Variants in MSI2 observed in about 807,000 individuals in gnomAD.
MSI2 encodes musashi RNA binding protein 2.
In MSI2, 17 loss-of-function variants were observed where a neutral mutation model predicts 45.6. The observed-to-expected ratio is 0.37, with a 90% CI of 0.26 to 0.56. The LOEUF is 0.56. Ranked by LOEUF, MSI2 falls within the 20% of genes least tolerant of loss-of-function variation. The pLI, the probability that MSI2 is intolerant of heterozygous loss-of-function variation, is 0.77. For synonymous variants in MSI2, 156 were observed against 158.2 expected (o/e 0.99, Z 0.11); for missense variants, 293 against 444.2 (o/e 0.66, Z 3.06).
At chr17:57,470,750 G>C (rs1384501607) in intron 6 of MSI2, among the ~76,000 whole-genome samples, 1 of 152,240 alleles carries the variant, frequency 6.6e-6, no homozygotes. Flanking sequence ...CCTGCGGGTG[G>C]AAGGTGGTAA....
rs575165991 is a variant in MSI2, at chr17:57,304,605, T to C, written c.312+42413T>C. 2.0e-5 allele frequency among the ~76,000 whole-genome samples: 3 copies of C among 151,734 alleles called. No individual in the cohort carries two copies. The South Asian group carries it at 6.3e-4, about 32-fold the overall frequency. On this transcript the variant is annotated intron_variant, in intron 5 of 13. Transcript: ENST00000284073. ...GCCCAGCTAATTTTTGTATTTTGAA[T>C]AGAGACAGGGTTTCACTATGTTGGG...
chr17:57,298,882 A>C (rs1598089568), intron 5 of MSI2, among the ~76,000 whole-genome samples: 1 of 152,224 alleles, frequency 6.6e-6, no homozygotes, highest in South Asian at 2.1e-4. Context: ...TCTAGCTATC[A>C]AAGTCCTAGA....
intron 6 of MSI2, among the ~76,000 whole-genome samples, chr17:57,409,140 G>GA (rs1295480687): frequency 6.6e-6 from 1 of 152,188 alleles, no homozygotes; most frequent in Non-Finnish European, 1.5e-5. Flanking sequence ...GAGAGCCCCA[G>GA]AAAAAAATGT....
Position 57,257,140 on chromosome 17 carries a change from TAAGG to T in MSI2, c.103+3_103+6del. The stretch of plus-strand genomic sequence containing the variant: ...GACTGAGCTGGCAGACCTCACCAGG[TAAGG>T]GAGGGAGGGGGGGACGCCTGGGTCC... On this transcript the variant is annotated splice_donor_5th_base_variant and intron_variant, in intron 2 of 13. Transcript: ENST00000284073. 6.9e-7 allele frequency: 1 copy of T among 1,456,956 alleles called. No individual in the cohort carries two copies. The highest frequency in any genetic ancestry group is 9.4e-7 in the Non-Finnish European group (1 of 1,066,462). 90.3% of individuals were successfully genotyped at this position (1,456,956 alleles called of 1,614,324 possible).
chr17:57,395,082 G>T (rs904910974), intron 5 of MSI2, among the ~76,000 whole-genome samples: 1 of 152,114 alleles, frequency 6.6e-6, no homozygotes, highest in Non-Finnish European at 1.5e-5. Context: ...CGCAATTCTT[G>T]GTGTTCCTTG....
intron 11 of MSI2, among the ~76,000 whole-genome samples, chr17:57,670,187 G>A (rs1468990229): frequency 2.6e-5 from 4 of 152,210 alleles, no homozygotes; most frequent in Non-Finnish European, 5.9e-5. Flanking sequence ...TTTGCCTCAG[G>A]TCCAGTGACA....
At chr17:57,349,249 C>A (rs535799178) in intron 5 of MSI2, among the ~76,000 whole-genome samples, 1 of 152,196 alleles carries the variant, frequency 6.6e-6, no homozygotes, top group East Asian at 1.9e-4. Flanking sequence ...CACTGCTGCC[C>A]GACTCCTGAC....
At chr17:57,591,729 CAAAAAAAAA>C (rs60682470) in intron 7 of MSI2, among the ~76,000 whole-genome samples, 1 of 69,504 alleles carries the variant, frequency 1.4e-5, no homozygotes, top group African/African-American at 4.8e-5. Flanking sequence ...AACCCTGTCT[CAAAAAAAAA>C]AAAAAAAAGG....
chr17:57,637,375 T>C (rs1037295912), intron 10 of MSI2, among the ~76,000 whole-genome samples: 2 of 152,230 alleles, frequency 1.3e-5, no homozygotes, highest in Non-Finnish European at 2.9e-5. Context: ...GAGTTGACTC[T>C]ATTCCCAGAT....
At chr17:57,408,297 C>T (rs1047560380) in intron 6 of MSI2, among the ~76,000 whole-genome samples, 3 of 152,156 alleles carry the variant, frequency 2.0e-5, no homozygotes, top group Admixed American at 2.0e-4. Flanking sequence ...AGGCATCAGA[C>T]ATTATTATTG....
intron 6 of MSI2, among the ~76,000 whole-genome samples, chr17:57,403,929 A>ATG (rs35049665): frequency 0.48 from 61,842 of 128,124 alleles, 14,447 homozygotes; most frequent in East Asian, 0.67. Context: ...AACAGAATGA[A>ATG]TGTGCACACA....
intron 6 of MSI2, among the ~76,000 whole-genome samples, chr17:57,498,752 CCTTT>C (rs1011347370): frequency 1.7e-4 from 26 of 152,052 alleles, no homozygotes; most frequent in Non-Finnish European, 1.3e-4. Context: ...GTTCATGGAA[CCTTT>C]CTTTCTTTTT....
In MSI2 at chr17:57,529,602, C is replaced by G; in HGVS notation, c.406-74C>G. The G allele has an allele frequency of 7.1e-7, 1 of 1,400,426 alleles. No individual in the cohort carries two copies. Among genetic ancestry groups the G allele is most frequent in the South Asian group, 1.2e-5 (1 of 84,480 alleles). The allele number at this position is 1,400,426 out of a possible 1,614,324, so 86.7% of individuals were successfully genotyped here. A position where few individuals can be genotyped will look rare whatever the true frequency, so the allele number is the denominator to read the frequency against. On this transcript the variant is annotated intron_variant, in intron 6 of 13. Transcript: ENST00000284073. The surrounding 1 kb of genome is among the most constrained non-coding windows in gnomAD (Gnocchi z 5.3). ...GTAATGGAAACTACCCCCTCACCCCCCGACATGCATATAATGTTTTGTGTA... is the reference window on the plus strand; with the variant it reads ...GTAATGGAAACTACCCCCTCACCCCGCGACATGCATATAATGTTTTGTGTA...
chr17:57,581,255 C>T (rs1430673944), intron 7 of MSI2, among the ~76,000 whole-genome samples: 1 of 152,018 alleles, frequency 6.6e-6, no homozygotes, highest in East Asian at 1.9e-4. Flanking sequence ...TCAGGTGATT[C>T]CCCAGCCTCC....
At chr17:57,444,954 T>TGGCATTCACGGGGCATAGTTCCC (rs1447526783) in intron 6 of MSI2, among the ~76,000 whole-genome samples, 1 of 152,214 alleles carries the variant, frequency 6.6e-6, no homozygotes, top group East Asian at 1.9e-4. Flanking sequence ...TCTCAGCTCC[T>TGGCATTCACGGGGCATAGTTCCC]GGCATTCACG....
chr17:57,445,499 T>A (rs1414851692), intron 6 of MSI2, among the ~76,000 whole-genome samples: 2 of 151,392 alleles, frequency 1.3e-5, no homozygotes, highest in Admixed American at 1.3e-4. Flanking sequence ...TCTTTTGTTG[T>A]GTTGTTTGTT....
chr17:57,603,506 A>G (rs1906154467), intron 8 of MSI2, among the ~76,000 whole-genome samples: 1 of 152,216 alleles, frequency 6.6e-6, no homozygotes, highest in African/African-American at 2.4e-5. Context: ...CAGCTTATAT[A>G]AAGCTCTGCT....
chr17:57,262,748 G>T (rs1052739957), intron 5 of MSI2, among the ~76,000 whole-genome samples: 4 of 152,180 alleles, frequency 2.6e-5, no homozygotes, highest in Admixed American at 6.5e-5. Flanking sequence ...GCAAGTGCTG[G>T]TGCCTGGGTG....
chr17:57,257,343 C>G, intron 2 of MSI2, 123 bp from the exon 3 acceptor site: 2 of 673,226 alleles, frequency 3.0e-6, no homozygotes, highest in Non-Finnish European at 4.8e-6. Context: ...GCAAAAAATG[C>G]AAAAACAAAA....
Sources: gnomAD v4.1 joint callset for allele counts (sites outside exome capture counted in the v4.1 genomes callset) on GRCh38, gnomAD v4.1.1 for gene constraint, Gnocchi (gnomAD v3.1) non-coding constraint, MANE v1.5 for transcripts, NCBI Gene and HGNC (gene_info 2026-07-23, HGNC 2026-07-21) for gene names.